Variants in MRNIP observed in about 807,000 individuals in gnomAD.
MRNIP encodes MRN complex interacting protein.
A neutral mutation model predicts 29.8 loss-of-function variants in MRNIP; 30 were observed. The observed-to-expected ratio is 1.01, with a 90% CI of 0.75 to 1.36. The LOEUF is 1.36. MRNIP is among the 40% of genes most tolerant of loss of function. MRNIP has a pLI of 0.00. For missense variants in MRNIP, 459 were observed against 423.5 expected (o/e 1.08, Z -0.74); for synonymous variants, 201 against 164.1 (o/e 1.23, Z -1.72).
chr5:179,853,049 G>C, intron 2 of MRNIP: 1 of 438,474 alleles, frequency 2.3e-6, no homozygotes, highest in South Asian at 2.0e-5. Flanking sequence ...GCAGATGCAT[G>C]TGTGCATTAG....
chr5:179,850,506 A>G (rs1000785792), intron 2 of MRNIP, among the ~76,000 whole-genome samples: 1 of 152,226 alleles, frequency 6.6e-6, no homozygotes, highest in Non-Finnish European at 1.5e-5. Flanking sequence ...GTGGACTCCC[A>G]GTGCCTGGCA....
intron 2 of MRNIP, among the ~76,000 whole-genome samples, chr5:179,848,522 T>C (rs920723834): frequency 3.3e-5 from 5 of 152,220 alleles, no homozygotes; most frequent in Admixed American, 1.3e-4. Flanking sequence ...CAAATATTTA[T>C]TGAATACCAA....
rs1356586392 is a variant in MRNIP, at chr5:179,837,281, G to A, written c.*110C>T. ...GACGTTTGCATAGAGAGAAATGATT[G>A]ACAGTAAGTTTATTGTTAATGGTTC... is the stretch of plus-strand genomic sequence containing the variant. On this transcript the variant is annotated 3_prime_UTR_variant, in exon 7 of 7. Transcript: ENST00000292586. The A allele has an allele frequency of 1.3e-5, 21 of 1,607,020 alleles. No homozygotes were observed. The highest frequency in any genetic ancestry group is 1.7e-5 in the Non-Finnish European group (20 of 1,178,444).
chr5:179,846,841 G>C (rs373733208), intron 3 of MRNIP, among the ~76,000 whole-genome samples: 1 of 152,062 alleles, frequency 6.6e-6, no homozygotes, highest in South Asian at 2.1e-4. Context: ...TTTGTACACC[G>C]AGGGTGTAGT....
chr5:179,853,290 G>A (rs556937992), intron 2 of MRNIP, 88 bp downstream of exon 2: 1 of 1,604,330 alleles, frequency 6.2e-7, no homozygotes, highest in South Asian at 1.1e-5. Flanking sequence ...TTTGAGAGAG[G>A]ATGATCCCAG....
intron 6 of MRNIP, 194 bp from the exon 7 acceptor site, chr5:179,838,079 C>T (rs990307573): frequency 3.3e-6 from 2 of 602,070 alleles, no homozygotes; most frequent in Non-Finnish European, 5.9e-6. Context: ...TCACCGCAAA[C>T]CTTCTGCTAA....
chr5:179,848,091 A>G, intron 2 of MRNIP, 25 bp from the exon 3 acceptor site: 1 of 1,552,094 alleles, frequency 6.4e-7, no homozygotes, highest in Admixed American at 1.7e-5. Context: ...AATATATTAC[A>G]TTGAAAAAGT....
intron 1 of MRNIP, among the ~76,000 whole-genome samples, chr5:179,854,984 A>G (rs749716030): frequency 6.6e-6 from 1 of 152,216 alleles, no homozygotes; most frequent in Non-Finnish European, 1.5e-5. Flanking sequence ...GTACTAGCCA[A>G]TGGAATTAGA....
intron 2 of MRNIP, among the ~76,000 whole-genome samples, chr5:179,849,168 G>A (rs572851100): frequency 3.8e-4 from 57 of 148,642 alleles, no homozygotes; most frequent in Admixed American, 2.7e-3. Context: ...TTGAGAGTAC[G>A]GGTCCTGCTA....
chr5:179,840,524 C>T (rs1197937171), intron 6 of MRNIP: 1 of 440,162 alleles, frequency 2.3e-6, no homozygotes, highest in Non-Finnish European at 4.0e-6. Context: ...TCAGGGCGGC[C>T]CGCTGACGAC....
Position 179,837,646 on chromosome 5 carries a change from T to G in MRNIP, c.777A>C (p.Pro259=), listed in dbSNP as rs371482381. Residue 259 remains proline, a synonymous_variant, in exon 7 of 7, where the codon CCA becomes CCC. Transcript: ENST00000292586. ...TGGGGGTCCCTTGCTTAGCCTGTGC[T>G]GGACCAGCTGGCCTGGGGTCCCTCT... ...SLQRDPRPAG[P]AQAKQGTPRA... is the part of the protein sequence containing the mutation. 6.2e-7 allele frequency: 1 copy of G among 1,614,230 alleles called. No individual in the cohort carries two copies. Among genetic ancestry groups the G allele is most frequent in the Non-Finnish European group, 8.5e-7 (1 of 1,180,046 alleles).
At chr5:179,853,290 G>T (rs556937992) in intron 2 of MRNIP, 88 bp downstream of exon 2, 11 of 1,604,330 alleles carry the variant, frequency 6.9e-6, no homozygotes, top group Middle Eastern at 3.3e-4. Flanking sequence ...TTTGAGAGAG[G>T]ATGATCCCAG....
chr5:179,849,470 A>G (rs1287807586), intron 2 of MRNIP, among the ~76,000 whole-genome samples: 25 of 91,164 alleles, frequency 2.7e-4, no homozygotes, highest in South Asian at 4.2e-4. Context: ...GAGAGCATGG[A>G]TCCTGCAATG....
chr5:179,855,931 CAG>C (rs368029309), intron 1 of MRNIP, among the ~76,000 whole-genome samples: 2,708 of 121,218 alleles, frequency 0.022, 96 homozygotes, highest in African/African-American at 0.089. Flanking sequence ...TTTTTTGAGA[CAG>C]AGTCTGGCTC....
intron 2 of MRNIP, chr5:179,850,954 T>C (rs1039934083): frequency 1.6e-5 from 5 of 306,116 alleles, no homozygotes; most frequent in Non-Finnish European, 3.3e-5. Context: ...CCTCAGGGAA[T>C]AGAAGCAGCT....
chr5:179,838,509 C>A, intron 6 of MRNIP: 1 of 153,926 alleles, frequency 6.5e-6, no homozygotes, highest in Non-Finnish European at 1.4e-5. Context: ...AACCCTATCA[C>A]TACTAAAAAT....
chr5:179,839,952 A>C (rs1209544989), intron 6 of MRNIP: 1 of 138,162 alleles, frequency 7.2e-6, no homozygotes, highest in African/African-American at 3.0e-5. Flanking sequence ...ACATAGTGAG[A>C]CCATGTCTCT....
intron 6 of MRNIP, 49 bp downstream of exon 6, chr5:179,840,823 C>T: frequency 7.9e-7 from 1 of 1,259,798 alleles, no homozygotes. Flanking sequence ...AATTATCACA[C>T]ACACGCTCAG....
Position 179,837,402 on chromosome 5 carries a change from C to T in MRNIP, c.1021G>A (p.Asp341Asn). Reference protein sequence around the residue: ...DLFITGEDFDDDV With the variant: ...DLFITGEDFDNDV ...CTGCCAGTCCCAGATCACACATCAT[C>T]ATCGAAGTCTTCCCCAGTTATAAAG... The change falls in exon 7 of 7, where the codon GAT (aspartate) becomes AAT (asparagine). Residue 341 changes from aspartate to asparagine, a missense_variant. Asp to Asn is a conservative substitution (Grantham distance 23). Transcript: ENST00000292586. The T allele has an allele frequency of 6.3e-7, 1 of 1,591,474 alleles. No homozygotes were observed. Among genetic ancestry groups the T allele is most frequent in the Non-Finnish European group, 8.6e-7 (1 of 1,166,960 alleles).
Sources: allele counts gnomAD v4.1 joint callset (sites outside exome capture counted in the v4.1 genomes callset), GRCh38; gene constraint gnomAD v4.1.1; transcripts MANE v1.5; gene names NCBI Gene and HGNC (gene_info 2026-07-23, HGNC 2026-07-21).